The following BRINP1 variants were observed in gnomAD, a reference collection of about 807,000 sequenced individuals.
BRINP1 encodes BMP/retinoic acid inducible neural specific 1, also known as BMP/retinoic acid-inducible neural-specific protein 1.
Under a neutral mutation model 72.9 loss-of-function variants are expected in BRINP1, and 17 were observed. That is an observed-to-expected ratio of 0.23 (90% CI 0.16 to 0.35). BRINP1 has a LOEUF of 0.35. Ranked by LOEUF, BRINP1 falls within the 10% of genes least tolerant of loss-of-function variation. The pLI is 1.00. For synonymous variants in BRINP1, 418 were observed against 378.5 expected, an observed-to-expected ratio of 1.10 and a Z score of -1.21; for missense variants, 850 against 1,001.6, an observed-to-expected ratio of 0.85 and a Z score of 2.04.
Position 119,166,988 on chromosome 9 carries a change from T to TACAAATTTTTGTGGGTTTTTTTG in BRINP1, c.*73_*95dup. ...TTTTCTTTGAATATTAATTACATTTTACAAATTTTTGTGGGTTTTTTTGTT... is the reference window on the plus strand; with the variant it reads ...TTTTCTTTGAATATTAATTACATTTTACAAATTTTTGTGGGTTTTTTTGACAAATTTTTGTGGGTTTTTTTGTT... On this transcript the variant is annotated 3_prime_UTR_variant, in exon 8 of 8. Transcript: ENST00000265922. 1 of 1,316,612 alleles carries TACAAATTTTTGTGGGTTTTTTTG rather than the reference T, an allele frequency of 7.6e-7. No homozygotes were observed. Among genetic ancestry groups the TACAAATTTTTGTGGGTTTTTTTG allele is most frequent in the Non-Finnish European group, 1.0e-6 (1 of 957,916 alleles). The allele number at this position is 1,316,612 out of a possible 1,614,324, so 81.6% of individuals were successfully genotyped here. A position where few individuals can be genotyped will look rare whatever the true frequency, so the allele number is the denominator to read the frequency against.
At chr9:119,197,723 A>C (rs1829754669) in intron 7 of BRINP1, among the ~76,000 whole-genome samples, 1 of 152,136 alleles carries the variant, frequency 6.6e-6, no homozygotes, top group Admixed American at 6.6e-5. Context: ...TTCTATTTCC[A>C]CCAAGTAACA....
rs573662341 is a variant in BRINP1, at chr9:119,278,995, A to G, written c.219-29845T>C. Among the ~76,000 whole-genome samples the G allele has an allele frequency of 2.5e-4, 38 of 152,232 alleles. No homozygotes were observed. The South Asian group carries it at 3.5e-3, about 14-fold the overall frequency. ...TATCCCAAAAAAGAAAGCAGATATA[A>G]TACTTTACTTCCATTTTATTGGTAA... On this transcript the variant is annotated intron_variant, in intron 2 of 7. Transcript: ENST00000265922.
intron 2 of BRINP1, among the ~76,000 whole-genome samples, chr9:119,257,669 TCCC>T (rs35601994): frequency 6.6e-6 from 1 of 152,106 alleles, no homozygotes; most frequent in African/African-American, 2.4e-5. Context: ...CAGCAAATTA[TCCC>T]CAGAGGTGAA....
At chr9:119,240,631 G>C (rs778275297) in intron 4 of BRINP1, among the ~76,000 whole-genome samples, 1 of 152,172 alleles carries the variant, frequency 6.6e-6, no homozygotes, top group Non-Finnish European at 1.5e-5. Flanking sequence ...TCTGTGCTGA[G>C]TTCCCTAACA....
intron 7 of BRINP1, among the ~76,000 whole-genome samples, chr9:119,175,245 C>T (rs1467521950): frequency 6.6e-6 from 1 of 151,212 alleles, no homozygotes; most frequent in Admixed American, 6.6e-5. Context: ...GAAACCATCA[C>T]ACTCAGCAAA....
At chr9:119,211,164 C>CTTTATTTATTTA (rs71506209) in intron 6 of BRINP1, among the ~76,000 whole-genome samples, 72 of 147,224 alleles carry the variant, frequency 4.9e-4, no homozygotes, top group Non-Finnish European at 7.2e-4. Flanking sequence ...AATACATTAA[C>CTTTATTTATTTA]TTTATTTATT....
intron 1 of BRINP1, among the ~76,000 whole-genome samples, chr9:119,352,339 T>C (rs1284126170): frequency 6.6e-6 from 1 of 152,178 alleles, no homozygotes; most frequent in Non-Finnish European, 1.5e-5. Context: ...TTTTTTTGAA[T>C]TGGGAAAGAT....
intron 1 of BRINP1, among the ~76,000 whole-genome samples, chr9:119,354,487 T>C (rs1831539049): frequency 6.6e-6 from 1 of 152,136 alleles, no homozygotes; most frequent in Non-Finnish European, 1.5e-5. Context: ...TGGGCTTCAG[T>C]GGTTTTCTTA....
intron 1 of BRINP1, among the ~76,000 whole-genome samples, chr9:119,350,840 A>G (rs1246188567): frequency 6.6e-6 from 1 of 152,112 alleles, no homozygotes; most frequent in African/African-American, 2.4e-5. Context: ...TACCTGCTTC[A>G]TTATCAGAAA....
intron 2 of BRINP1, among the ~76,000 whole-genome samples, chr9:119,272,263 A>G (rs1830615293): frequency 6.6e-6 from 1 of 151,942 alleles, no homozygotes; most frequent in Admixed American, 6.6e-5. Flanking sequence ...TTGTATTTTT[A>G]GTAGAGATGG....
At chr9:119,345,125 T>C (rs1248478741) in intron 1 of BRINP1, among the ~76,000 whole-genome samples, 1 of 152,220 alleles carries the variant, frequency 6.6e-6, no homozygotes, top group East Asian at 1.9e-4. Flanking sequence ...TCATTGAATA[T>C]TCACATACAC....
At chr9:119,283,142 A>T in intron 2 of BRINP1, 1 of 985,056 alleles carries the variant, frequency 1.0e-6, no homozygotes, top group Non-Finnish European at 1.2e-6. Flanking sequence ...CTGTGGTTGT[A>T]AATGAGATCA....
chr9:119,238,050 C>T (rs1042196266), intron 5 of BRINP1, among the ~76,000 whole-genome samples: 2 of 152,122 alleles, frequency 1.3e-5, no homozygotes, highest in African/African-American at 4.8e-5. Context: ...ATTATTTTTA[C>T]ATATTATTGG....
At chr9:119,234,611 C>T (rs891224642) in intron 5 of BRINP1, among the ~76,000 whole-genome samples, 50 of 152,174 alleles carry the variant, frequency 3.3e-4, no homozygotes, top group Non-Finnish European at 2.5e-4. Context: ...TTTTGATGAA[C>T]ATAAATTATA....
chr9:119,285,100 A>G (rs1292917590), intron 2 of BRINP1, among the ~76,000 whole-genome samples: 13 of 151,830 alleles, frequency 8.6e-5, no homozygotes, highest in Admixed American at 5.9e-4. Context: ...TGAGAAATGC[A>G]TCGCACGGTT....
chr9:119,168,313 T>C, intron 7 of BRINP1, 89 bp from the exon 8 acceptor site: 1 of 1,093,902 alleles, frequency 9.1e-7, no homozygotes, highest in Non-Finnish European at 1.3e-6. Context: ...GAACTGGAGC[T>C]GCCAAAAAGA....
intron 2 of BRINP1, among the ~76,000 whole-genome samples, chr9:119,279,965 A>G (rs896978369): frequency 6.6e-6 from 1 of 152,214 alleles, no homozygotes; most frequent in African/African-American, 2.4e-5. Flanking sequence ...TCCTAAGGAA[A>G]TACCTCAAAA....
intron 2 of BRINP1, among the ~76,000 whole-genome samples, chr9:119,282,148 A>G (rs2118963422): frequency 6.6e-6 from 1 of 152,320 alleles, no homozygotes; most frequent in East Asian, 1.9e-4. Flanking sequence ...AATAGTTTTG[A>G]CAAGGCCCTT....
chr9:119,313,421 T>C lies in BRINP1; in HGVS notation c.-50-16A>G. Reference sequence around the variant, plus strand: ...CTGTGGAGTCCTATAGAAGAAAGAATAAAAAAGAGAGAGAAAAAAAGAGAA... The same window carrying C: ...CTGTGGAGTCCTATAGAAGAAAGAACAAAAAAGAGAGAGAAAAAAAGAGAA... On this transcript the variant is annotated splice_polypyrimidine_tract_variant and intron_variant, in intron 1 of 7. Transcript: ENST00000265922. 1 of 1,446,420 alleles carries C rather than the reference T, an allele frequency of 6.9e-7. No individual in the cohort carries two copies. Among genetic ancestry groups the C allele is most frequent in the South Asian group, 1.6e-5 (1 of 63,272 alleles). The allele number at this position is 1,446,420 out of a possible 1,614,324, so 89.6% of individuals were successfully genotyped here.
Sources: gnomAD v4.1 joint callset for allele counts (sites outside exome capture counted in the v4.1 genomes callset) on GRCh38, gnomAD v4.1.1 for gene constraint, MANE v1.5 for transcripts, NCBI Gene and HGNC (gene_info 2026-07-23, HGNC 2026-07-21) for gene names.